ANK2: variants seen among roughly 807,000 people sequenced by gnomAD.
ANK2 encodes ankyrin 2.
In ANK2, 83 loss-of-function variants were observed where a neutral mutation model predicts 360.5. That is an observed-to-expected ratio of 0.23 (90% CI 0.19 to 0.28). ANK2 has a LOEUF of 0.28. Among genes scored for constraint, ANK2 ranks in the 10% least tolerant of loss-of-function variants. The pLI is 1.00. For missense variants in ANK2, 4,201 were observed against 4,795.7 expected (o/e 0.88, Z 3.66); for synonymous variants, 1,740 against 1,759.5 (o/e 0.99, Z 0.28).
Position 113,271,271 on chromosome 4 carries a change from C to T in ANK2, c.1486-3181C>T, listed in dbSNP as rs111239396. ...ATAAAAGATCAAGCTTGGGCTCATG[C>T]GCATTCATGCGGCCCATTTATGAGG... On this transcript the variant is annotated intron_variant, in intron 14 of 45. Coordinates refer to ENST00000357077, the MANE Select transcript of ANK2 (RefSeq NM_001148.6). Among the ~76,000 whole-genome samples the T allele has an allele frequency of 1.5e-3, 224 of 152,284 alleles. 1 individual carries two copies. Among genetic ancestry groups the T allele is most frequent in the African/African-American group, 5.1e-3 (212 of 41,556 alleles).
In ANK2 at chr4:113,287,709, G is replaced by A. The variant is rs2065387922; in HGVS notation, c.2178+6G>A. 2 of 1,596,842 alleles carry A rather than the reference G, an allele frequency of 1.3e-6. No individual in the cohort carries two copies. Among genetic ancestry groups the A allele is most frequent in the South Asian group, 1.1e-5 (1 of 90,714 alleles). On this transcript the variant is annotated splice_donor_region_variant and intron_variant, in intron 19 of 45. Transcript: ENST00000357077. ...ATCAGGATGCTCATACAAAGGTAAAGCAAATCACTCTCAGTATTGTGACAG... is the reference window on the plus strand; with the variant it reads ...ATCAGGATGCTCATACAAAGGTAAAACAAATCACTCTCAGTATTGTGACAG...
intron 1 of ANK2, among the ~76,000 whole-genome samples, chr4:112,836,146 C>T (rs936316983): frequency 6.6e-6 from 1 of 152,106 alleles, no homozygotes; most frequent in African/African-American, 2.4e-5. Context: ...GTAATTGGAT[C>T]ATGGGGGCAG....
chr4:113,024,330 G>A (rs2058790287), intron 2 of ANK2, among the ~76,000 whole-genome samples: 1 of 152,064 alleles, frequency 6.6e-6, no homozygotes, highest in Non-Finnish European at 1.5e-5. Flanking sequence ...AGGTGAGATA[G>A]CCTGTTATTG....
In ANK2 at chr4:112,850,504, C is replaced by CTTTTTTTTTTTTTTTTTTT. The variant is rs60510554; in HGVS notation, c.-40+32252_-40+32270dup. On this transcript the variant is annotated intron_variant, in intron 1 of 30. Coordinates refer to the ANK2 transcript ENST00000503271. ...TTTTTTTAACATTTCCTGTGCTAGT[C>CTTTTTTTTTTTTTTTTTTT]TTTTTTTTTTTTTTTTTTTTTTTTT... 2.2e-3 allele frequency among the ~76,000 whole-genome samples: 13 copies of CTTTTTTTTTTTTTTTTTTT among 5,820 alleles called. 5 individuals carry two copies. Among genetic ancestry groups the CTTTTTTTTTTTTTTTTTTT allele is most frequent in the East Asian group, 0.015 (2 of 136 alleles). The allele number at this position is 5,820 out of a possible 152,430, so 3.8% of individuals were successfully genotyped here.
chr4:113,263,553 T>A (rs538497607), intron 13 of ANK2, among the ~76,000 whole-genome samples: 1 of 152,298 alleles, frequency 6.6e-6, no homozygotes, highest in East Asian at 1.9e-4. Context: ...TCCAAAATAC[T>A]GAGAAAAAAT....
chr4:113,304,675 T>G (rs29311), intron 23 of ANK2, among the ~76,000 whole-genome samples: 119,945 of 152,124 alleles, frequency 0.79, 47,567 homozygotes, highest in African/African-American at 0.86. Context: ...CACTTGAAAT[T>G]AATGCAGTTT....
chr4:112,892,387 A>T (rs988813537), intron 1 of ANK2, among the ~76,000 whole-genome samples: 1 of 152,212 alleles, frequency 6.6e-6, no homozygotes, highest in South Asian at 2.1e-4. Flanking sequence ...TTATACATAC[A>T]TCTACCTTAT....
chr4:112,982,949 C>A (rs1020888773), intron 2 of ANK2, among the ~76,000 whole-genome samples: 3 of 152,110 alleles, frequency 2.0e-5, no homozygotes, highest in African/African-American at 7.2e-5. Context: ...GGTTACAGAA[C>A]TGTTTTATAC....
At chr4:113,193,643 A>G (rs1442369272) in intron 2 of ANK2, among the ~76,000 whole-genome samples, 1 of 152,196 alleles carries the variant, frequency 6.6e-6, no homozygotes, top group Non-Finnish European at 1.5e-5. Flanking sequence ...ATCTATTTGT[A>G]TCTACATTTA....
intron 1 of ANK2, among the ~76,000 whole-genome samples, chr4:112,845,760 A>G (rs1291365896): frequency 1.3e-5 from 2 of 152,254 alleles, no homozygotes; most frequent in Non-Finnish European, 2.9e-5. Flanking sequence ...CTGTCAACGT[A>G]CAAGTATTTA....
chr4:112,761,962 G>A, the ANK2 span, among the ~76,000 whole-genome samples: 1 of 152,234 alleles, frequency 6.6e-6, no homozygotes, highest in South Asian at 2.1e-4. Context: ...GGAATACAGA[G>A]AAGCACAGAG....
the ANK2 span, among the ~76,000 whole-genome samples, chr4:112,764,952 C>G: frequency 1.3e-5 from 2 of 151,440 alleles, no homozygotes; most frequent in Non-Finnish European, 2.9e-5. Flanking sequence ...GTGATCCACC[C>G]ACCTTGGCCT....
chr4:112,974,953 A>T (rs550701948), intron 2 of ANK2, among the ~76,000 whole-genome samples: 1 of 152,324 alleles, frequency 6.6e-6, no homozygotes, highest in South Asian at 2.1e-4. Context: ...TTTTCAGGTT[A>T]TCTAAATTGA....
chr4:113,346,281 T>C (rs924518794), intron 35 of ANK2, among the ~76,000 whole-genome samples: 4 of 152,216 alleles, frequency 2.6e-5, no homozygotes, highest in Non-Finnish European at 5.9e-5. Context: ...AAAAATTCTA[T>C]TAATACACAT....
chr4:113,011,991 C>T (rs1455629903), intron 2 of ANK2, among the ~76,000 whole-genome samples: 2 of 151,950 alleles, frequency 1.3e-5, no homozygotes, highest in Non-Finnish European at 2.9e-5. Context: ...CTCATAATAC[C>T]ATGTCTGAGG....
At chr4:112,811,634 T>C in the ANK2 span, among the ~76,000 whole-genome samples, 4 of 152,192 alleles carry the variant, frequency 2.6e-5, no homozygotes, top group South Asian at 2.1e-4. Context: ...ATCAACCTTA[T>C]ACTCAATGCT....
chr4:113,067,340 G>GT (rs2076001180), intron 1 of ANK2, among the ~76,000 whole-genome samples: 1 of 152,154 alleles, frequency 6.6e-6, no homozygotes. Context: ...GGAAACAAGA[G>GT]TCCAAGATGG....
At chr4:112,720,365 A>G in the ANK2 span, among the ~76,000 whole-genome samples, 1 of 152,006 alleles carries the variant, frequency 6.6e-6, no homozygotes, top group Non-Finnish European at 1.5e-5. Context: ...TTTGGTGCCT[A>G]CCCTCGAGTG....
intron 1 of ANK2, among the ~76,000 whole-genome samples, chr4:113,112,937 T>C (rs942336308): frequency 2.0e-5 from 3 of 152,176 alleles, no homozygotes; most frequent in African/African-American, 7.2e-5. Context: ...GTAGGATCTA[T>C]TATATTATGA....
Sources: allele counts gnomAD v4.1 joint callset (sites outside exome capture counted in the v4.1 genomes callset), GRCh38; gene constraint gnomAD v4.1.1; transcripts MANE v1.5; gene names NCBI Gene and HGNC (gene_info 2026-07-23, HGNC 2026-07-21).